Variants in MAPK10 observed in about 807,000 individuals in gnomAD.
MAPK10 encodes the protein JNK3 alpha protein kinase.
A neutral mutation model predicts 59.3 loss-of-function variants in MAPK10; 25 were observed. That is an observed-to-expected ratio of 0.42 (90% CI 0.31 to 0.59). MAPK10 has a LOEUF of 0.59. Ranked by LOEUF, MAPK10 falls within the 20% of genes least tolerant of loss-of-function variation. The pLI is 0.15. For missense variants in MAPK10, 351 were observed against 568.9 expected (o/e 0.62, Z 3.90); for synonymous variants, 190 against 200.5 (o/e 0.95, Z 0.44).
intron 5 of MAPK10, among the ~76,000 whole-genome samples, chr4:86,103,506 A>G (rs540399047): frequency 2.0e-5 from 3 of 152,234 alleles, no homozygotes; most frequent in Admixed American, 1.3e-4. Context: ...CATAATTGTT[A>G]CACTGCTTTC....
At chr4:86,114,608 C>T (rs2058034105) in intron 4 of MAPK10, among the ~76,000 whole-genome samples, 1 of 152,240 alleles carries the variant, frequency 6.6e-6, no homozygotes, top group African/African-American at 2.4e-5. Flanking sequence ...CCAGAACACT[C>T]CTGTAGGAGG....
intron 3 of MAPK10, among the ~76,000 whole-genome samples, chr4:86,188,574 G>GCTGTTCATATCATATCAAAAAAACAA (rs1422659429): frequency 1.3e-5 from 2 of 152,058 alleles, no homozygotes; most frequent in Non-Finnish European, 2.9e-5. Context: ...CATATCATTT[G>GCTGTTCATATCATATCAAAAAAACAA]CCCATTTTTT....
chr4:86,045,422 T>C (rs2042316756), intron 11 of MAPK10, among the ~76,000 whole-genome samples: 3 of 152,048 alleles, frequency 2.0e-5, no homozygotes. Flanking sequence ...TCCCTTAAAT[T>C]CCAAATTTAA....
chr4:86,424,753 C>G (rs1454943105), intron 1 of MAPK10, among the ~76,000 whole-genome samples: 2 of 151,960 alleles, frequency 1.3e-5, no homozygotes, highest in African/African-American at 4.8e-5. Context: ...TAGCATAGGT[C>G]CAGGGCTTTG....
At chr4:86,321,304 T>C (rs2095884978) in intron 2 of MAPK10, among the ~76,000 whole-genome samples, 1 of 151,884 alleles carries the variant, frequency 6.6e-6, no homozygotes. Context: ...ATTGCGGCAC[T>C]ATTCACAATA....
upstream of MAPK10, among the ~76,000 whole-genome samples, chr4:86,457,128 T>C (rs186545422): frequency 6.6e-6 from 1 of 152,250 alleles, no homozygotes; most frequent in Admixed American, 6.5e-5. Context: ...TTAAAACTCT[T>C]AGCAAAATTG....
chr4:86,227,434 C>G (rs1171008124), intron 2 of MAPK10, among the ~76,000 whole-genome samples: 1 of 148,100 alleles, frequency 6.8e-6, no homozygotes, highest in African/African-American at 2.5e-5. Flanking sequence ...TTGCAGTGAG[C>G]TGAGATGGCG....
chr4:86,317,217 T>C (rs1038372043), intron 2 of MAPK10, among the ~76,000 whole-genome samples: 7 of 152,106 alleles, frequency 4.6e-5, no homozygotes, highest in Non-Finnish European at 8.8e-5. Context: ...TCTGGGCTAT[T>C]ACGCTTTTCC....
intron 9 of MAPK10, among the ~76,000 whole-genome samples, chr4:86,092,186 A>G (rs2053358763): frequency 6.6e-6 from 1 of 152,164 alleles, no homozygotes; most frequent in Non-Finnish European, 1.5e-5. Context: ...ATTCTGATGT[A>G]CATATTGAAT....
At chr4:86,546,778 G>T (rs965776239) in intron 1 of MAPK10, among the ~76,000 whole-genome samples, 8 of 152,132 alleles carry the variant, frequency 5.3e-5, no homozygotes, top group Non-Finnish European at 8.8e-5. Context: ...AAAAGGGGCT[G>T]GGCGGGGTGG....
chr4:86,362,770 T>C (rs1440942252), upstream of MAPK10, among the ~76,000 whole-genome samples: 1 of 152,102 alleles, frequency 6.6e-6, no homozygotes, highest in East Asian at 1.9e-4. Flanking sequence ...CAAAAGTGAC[T>C]AAAATTAAAA....
At chr4:86,525,836 A>G (rs1048312380) in intron 1 of MAPK10, among the ~76,000 whole-genome samples, 2 of 152,364 alleles carry the variant, frequency 1.3e-5, no homozygotes, top group African/African-American at 4.8e-5. Flanking sequence ...CAAAGTTTCA[A>G]AATTACAAAG....
chr4:86,485,856 G>A (rs1753945300), intron 1 of MAPK10, among the ~76,000 whole-genome samples: 2 of 152,190 alleles, frequency 1.3e-5, no homozygotes, highest in Admixed American at 1.3e-4. Flanking sequence ...GGCCATGTGA[G>A]GACATAGTGA....
chr4:86,084,380 T>C (rs952732754), intron 9 of MAPK10, among the ~76,000 whole-genome samples: 2 of 152,196 alleles, frequency 1.3e-5, no homozygotes, highest in East Asian at 3.8e-4. Flanking sequence ...AAAAAACTAT[T>C]CAAATTGATA....
chr4:86,066,471 G>C (rs186900639), intron 10 of MAPK10, among the ~76,000 whole-genome samples: 1 of 152,098 alleles, frequency 6.6e-6, no homozygotes, highest in East Asian at 1.9e-4. Context: ...CTCTTAGAAA[G>C]GGCTGGGGTT....
chr4:86,273,822 A>G (rs1409126948), intron 2 of MAPK10, among the ~76,000 whole-genome samples: 1 of 152,054 alleles, frequency 6.6e-6, no homozygotes, highest in Non-Finnish European at 1.5e-5. Context: ...TATTAAAGAG[A>G]AGAACATTAG....
chr4:86,456,589 C>T (rs1342303119), upstream of MAPK10, among the ~76,000 whole-genome samples: 4 of 151,848 alleles, frequency 2.6e-5, no homozygotes, highest in Admixed American at 6.6e-5. Context: ...AAAAAACAAC[C>T]CACCTAGTTT....
intron 1 of MAPK10, among the ~76,000 whole-genome samples, chr4:86,467,258 A>G (rs1752284574): frequency 6.6e-6 from 1 of 152,342 alleles, no homozygotes; most frequent in South Asian, 2.1e-4. Flanking sequence ...CGCATAATCA[A>G]ATTGAATTCT....
intron 2 of MAPK10, among the ~76,000 whole-genome samples, chr4:86,195,128 G>C (rs1213837366): frequency 6.6e-6 from 1 of 152,244 alleles, no homozygotes; most frequent in African/African-American, 2.4e-5. Context: ...ACAGTTTTAA[G>C]AGGAAAAGTT....
Sources: gnomAD v4.1 joint callset for allele counts (sites outside exome capture counted in the v4.1 genomes callset) on GRCh38, gnomAD v4.1.1 for gene constraint, MANE v1.5 for transcripts, NCBI Gene and HGNC (gene_info 2026-07-23, HGNC 2026-07-21) for gene names.